USP6NL: variants seen among roughly 807,000 people sequenced by gnomAD.
USP6NL encodes USP6 N-terminal like, also known as USP6 N-terminal-like protein.
A neutral mutation model predicts 61.9 loss-of-function variants in USP6NL; 26 were observed. That is an observed-to-expected ratio of 0.42 (90% CI 0.31 to 0.58). The LOEUF (loss-of-function observed/expected upper bound fraction) is 0.58, where lower values mean the gene tolerates loss of function less well. Ranked by LOEUF, USP6NL falls within the 20% of genes least tolerant of loss-of-function variation. USP6NL has a pLI of 0.16. For synonymous variants in USP6NL, 432 were observed against 390.1 expected (o/e 1.11, Z -1.27); for missense variants, 1,114 against 1,034.3 (o/e 1.08, Z -1.06).
At chr10:11,579,967 G>GGGGC (rs1566195867) in intron 2 of USP6NL, among the ~76,000 whole-genome samples, 1 of 147,932 alleles carries the variant, frequency 6.8e-6, no homozygotes, top group East Asian at 2.3e-4. Context: ...GAGTGGCGGG[G>GGGGC]GGGGGGCAGC....
intron 4 of USP6NL, among the ~76,000 whole-genome samples, chr10:11,522,609 GACC>G (rs1835256179): frequency 6.6e-6 from 1 of 152,138 alleles, no homozygotes; most frequent in Non-Finnish European, 1.5e-5. Flanking sequence ...TCTGTTTTAG[GACC>G]ACATCATGGA....
At chr10:11,534,685 T>C (rs1325531699) in intron 2 of USP6NL, among the ~76,000 whole-genome samples, 2 of 152,224 alleles carry the variant, frequency 1.3e-5, no homozygotes. Context: ...GGCTGTGACC[T>C]TGATGGTATA....
rs1382705077 is a variant in USP6NL, at chr10:11,513,365, A to G, written c.196-3690T>C. ...GGAATTATTCCATCATGCGGGTAAC[A>G]CTTTTCAAAGTGTTGCCAAAAGGCA... On this transcript the variant is annotated intron_variant, in intron 5 of 14. Transcript: ENST00000609104. The surrounding 1 kb of genome is among the most constrained non-coding windows in gnomAD (Gnocchi z 4.7). Among the ~76,000 whole-genome samples, 1 of 152,238 alleles carries G rather than the reference A, an allele frequency of 6.6e-6. No homozygotes were observed. The highest frequency in any genetic ancestry group is 2.4e-5 in the African/African-American group (1 of 41,464).
At chr10:11,609,967 T>C (rs1838835147) in intron 1 of USP6NL, among the ~76,000 whole-genome samples, 1 of 152,192 alleles carries the variant, frequency 6.6e-6, no homozygotes, top group Admixed American at 6.5e-5. Flanking sequence ...TCTGGCTGCA[T>C]AGCTAAAAAC....
chr10:11,550,612 C>A (rs960074655), intron 2 of USP6NL, among the ~76,000 whole-genome samples: 1 of 151,748 alleles, frequency 6.6e-6, no homozygotes. Flanking sequence ...AAAAATTAGC[C>A]GGGCGTGGTG....
At position 11,597,452 on chromosome 10, in the gene USP6NL, C is replaced by T. The variant is rs1266810798; in HGVS notation, c.4+179G>A. ...ATGAAACTTTTTAGAATAAATCAAA[C>T]ATCAGAAAGTATCTCCTTGTCTTAA... On this transcript the variant is annotated intron_variant, in intron 2 of 14. Transcript: ENST00000609104. This position sits in a 1 kb window ranked among gnomAD's most constrained non-coding sequence, Gnocchi z 4.6. Among the ~76,000 whole-genome samples, 1 of 152,198 alleles carries T rather than the reference C, an allele frequency of 6.6e-6. No individual in the cohort carries two copies. The highest frequency in any genetic ancestry group is 1.9e-4 in the East Asian group (1 of 5,208).
At chr10:11,515,638 C>T (rs1834921397) in intron 5 of USP6NL, among the ~76,000 whole-genome samples, 1 of 152,088 alleles carries the variant, frequency 6.6e-6, no homozygotes. Flanking sequence ...GGGGAAAAAC[C>T]GACACATATC....
chr10:11,564,682 C>T (rs189094385), intron 2 of USP6NL: 3 of 152,228 alleles, frequency 2.0e-5, no homozygotes, highest in Admixed American at 2.0e-4. Context: ...AAAGCATTTC[C>T]AGGTGGAACT....
intron 2 of USP6NL, among the ~76,000 whole-genome samples, chr10:11,533,071 A>C (rs1835718478): frequency 6.6e-6 from 1 of 152,234 alleles, no homozygotes; most frequent in African/African-American, 2.4e-5. Flanking sequence ...GACATTAATT[A>C]CACTTAACTG....
Position 11,540,998 on chromosome 10 carries a change from T to C in USP6NL, c.5-13431A>G, listed in dbSNP as rs963221843. Among the ~76,000 whole-genome samples, 5 of 144,656 alleles carry C rather than the reference T, an allele frequency of 3.5e-5. No individual in the cohort carries two copies. Among genetic ancestry groups the C allele is most frequent in the Non-Finnish European group, 7.8e-5 (5 of 64,010 alleles). The allele number at this position is 144,656 out of a possible 152,430, so 94.9% of individuals were successfully genotyped here. A position where few individuals can be genotyped will look rare whatever the true frequency, so the allele number is the denominator to read the frequency against. On this transcript the variant is annotated intron_variant, in intron 2 of 14. Coordinates refer to ENST00000609104, the MANE Select transcript of USP6NL (RefSeq NM_014688.5). This position sits in a 1 kb window ranked among gnomAD's most constrained non-coding sequence, Gnocchi z 5.0. ...AAAAGTGTCACTCATTCAATCATTT[T>C]TGTAAGGTACCCTAAGCTCCAAGCA...
At position 11,489,017 on chromosome 10, in the gene USP6NL, TA is replaced by T; in HGVS notation, c.664+84del. The T allele has an allele frequency of 6.4e-7, 1 of 1,555,384 alleles. No individual in the cohort carries two copies. Among genetic ancestry groups the T allele is most frequent in the Non-Finnish European group, 8.7e-7 (1 of 1,146,924 alleles). On this transcript the variant is annotated intron_variant, in intron 10 of 14. Coordinates refer to ENST00000609104, the MANE Select transcript of USP6NL (RefSeq NM_014688.5). The surrounding 1 kb of genome is among the most constrained non-coding windows in gnomAD (Gnocchi z 5.7). ...CCTGAGACATTAAATTTGCTGTATG[TA>T]ACTCTTGCAAGCATCTTTGGTTTTG...
At position 11,487,219 on chromosome 10, in the gene USP6NL, C is replaced by T. The variant is rs1014585044; in HGVS notation, c.665-1308G>A. On this transcript the variant is annotated intron_variant, in intron 10 of 14. Transcript: ENST00000609104. The surrounding 1 kb of genome is among the most constrained non-coding windows in gnomAD (Gnocchi z 4.2). Reference sequence around the variant, plus strand: ...CAGTTCTTCATTTTCCACTGATGTTCCAGATCTCATATTTTATATTTTCAT... The same window carrying T: ...CAGTTCTTCATTTTCCACTGATGTTTCAGATCTCATATTTTATATTTTCAT... Among the ~76,000 whole-genome samples, 4 of 152,128 alleles carry T rather than the reference C, an allele frequency of 2.6e-5. No individual in the cohort carries two copies. Among genetic ancestry groups the T allele is most frequent in the African/African-American group, 4.8e-5 (2 of 41,428 alleles).
At chr10:11,543,777 G>A (rs1836160110) in intron 2 of USP6NL, among the ~76,000 whole-genome samples, 2 of 132,948 alleles carry the variant, frequency 1.5e-5, no homozygotes, top group South Asian at 5.0e-4. Context: ...GTAACATCTT[G>A]TCTGGGGATC....
At chr10:11,555,462 A>ATATATAT (rs1836670401) in intron 2 of USP6NL, among the ~76,000 whole-genome samples, 3 of 95,988 alleles carry the variant, frequency 3.1e-5, no homozygotes, top group East Asian at 3.0e-4. Flanking sequence ...AGAGAGAGAG[A>ATATATAT]GAGAGAGAAA....
At chr10:11,572,154 A>C (rs1286069326) in intron 2 of USP6NL, among the ~76,000 whole-genome samples, 2 of 152,116 alleles carry the variant, frequency 1.3e-5, no homozygotes, top group African/African-American at 2.4e-5. Flanking sequence ...AACTAAAAAA[A>C]ATTCCAATAA....
chr10:11,517,993 G>A (rs1393428817), intron 5 of USP6NL, among the ~76,000 whole-genome samples: 3 of 152,134 alleles, frequency 2.0e-5, no homozygotes, highest in East Asian at 1.9e-4. Context: ...TATGTATAAC[G>A]AGGAAAGATT....
chr10:11,569,292 A>C (rs572504811), intron 2 of USP6NL, among the ~76,000 whole-genome samples: 1 of 152,346 alleles, frequency 6.6e-6, no homozygotes, highest in East Asian at 1.9e-4. Flanking sequence ...TCTATTGCTT[A>C]AGTTATTAGC....
intron 2 of USP6NL, among the ~76,000 whole-genome samples, chr10:11,586,264 C>G (rs1238285768): frequency 6.6e-6 from 1 of 151,616 alleles, no homozygotes; most frequent in Non-Finnish European, 1.5e-5. Flanking sequence ...AATAATTAGG[C>G]ATAAAAAGCT....
At position 11,485,228 on chromosome 10, in the gene USP6NL, G is replaced by T; in HGVS notation, c.766C>A (p.Gln256Lys). Residue 256 changes from glutamine (Q) to lysine (K), a missense_variant, in exon 12 of 15, where the codon CAA becomes AAA. Transcript: ENST00000609104. This position sits in a 1 kb window ranked among gnomAD's most constrained non-coding sequence, Gnocchi z 4.8. ...LSKLKQHLDS[Q>K]EIYTSFYTMK... ...GTGTAAAAACTTGTGTAGATTTCTT[G>T]AGAATCCTGAAAAAACAAAGAGCTC... 5 of 1,519,724 alleles carry T rather than the reference G, an allele frequency of 3.3e-6. No homozygotes were observed. The highest frequency in any genetic ancestry group is 4.4e-6 in the Non-Finnish European group (5 of 1,138,710). The allele number at this position is 1,519,724 out of a possible 1,614,324, so 94.1% of individuals were successfully genotyped here. A position where few individuals can be genotyped will look rare whatever the true frequency, so the allele number is the denominator to read the frequency against.
Sources: gnomAD v4.1 joint callset for allele counts (sites outside exome capture counted in the v4.1 genomes callset) on GRCh38, gnomAD v4.1.1 for gene constraint, Gnocchi (gnomAD v3.1) non-coding constraint, MANE v1.5 for transcripts, NCBI Gene and HGNC (gene_info 2026-07-23, HGNC 2026-07-21) for gene names.